FAM107A: variants seen among roughly 807,000 people sequenced by gnomAD.
The protein encoded by FAM107A is family with sequence similarity 107 member A.
In FAM107A, 19 loss-of-function variants were observed where a neutral mutation model predicts 13.7. That is an observed-to-expected ratio of 1.38 (90% CI 0.97 to 2.03). FAM107A has a LOEUF of 2.03. Ranked by LOEUF, FAM107A falls within the 30% of genes most tolerant of loss-of-function variation. The pLI is 0.00. For synonymous variants in FAM107A, 82 were observed against 74.5 expected (o/e 1.10, Z -0.52); for missense variants, 203 against 184.4 (o/e 1.10, Z -0.58).
intron 1 of FAM107A, among the ~76,000 whole-genome samples, chr3:58,623,170 T>C (rs2065974853): frequency 6.6e-6 from 1 of 152,188 alleles, no homozygotes; most frequent in South Asian, 2.1e-4. Flanking sequence ...TCTGATAGAA[T>C]GAACACACCC....
At position 58,566,646 on chromosome 3, in the gene FAM107A, T is replaced by C; in HGVS notation, c.377A>G (p.Lys126Arg). Residue 126 changes from lysine to arginine, a missense_variant, in exon 4 of 4, where the codon AAA becomes AGA. Coordinates refer to ENST00000360997, the MANE Select transcript of FAM107A (RefSeq NM_001076778.3). ...AATTCTCCGCAGGTTTTCCCTGACT[T>C]TAATAAACTCGGGGGCGTGATCCTC... ...KEEDHAPEFI[K>R]VRENLRRIAT... The C allele has an allele frequency of 6.2e-7, 1 of 1,614,034 alleles. No homozygotes were observed. Among genetic ancestry groups the C allele is most frequent in the Non-Finnish European group, 8.5e-7 (1 of 1,179,958 alleles).
chr3:58,591,959 G>A (rs1397419738), upstream of FAM107A, among the ~76,000 whole-genome samples: 4 of 152,190 alleles, frequency 2.6e-5, no homozygotes, highest in African/African-American at 9.6e-5. This position sits in a 1 kb window ranked among gnomAD's most constrained non-coding sequence, Gnocchi z 4.3. Flanking sequence ...TAATTCCCCA[G>A]AGAGTGAGTC....
At chr3:58,599,980 T>C (rs2120578) in intron 1 of FAM107A, among the ~76,000 whole-genome samples, 5 of 152,032 alleles carry the variant, frequency 3.3e-5, no homozygotes, top group Non-Finnish European at 5.9e-5. Flanking sequence ...CCAGCCCAGG[T>C]GCAGTATTAA....
chr3:58,567,028 T>C, intron 3 of FAM107A, 180 bp downstream of exon 3: 3 of 711,756 alleles, frequency 4.2e-6, no homozygotes, highest in Non-Finnish European at 7.1e-6. Flanking sequence ...GGGAAGCCAC[T>C]CGCCCTAAGG....
chr3:58,621,061 C>T (rs1010504491), intron 1 of FAM107A, among the ~76,000 whole-genome samples: 9 of 152,046 alleles, frequency 5.9e-5, no homozygotes, highest in Non-Finnish European at 1.3e-4. Context: ...AAGGAGGTGG[C>T]GGCATGGTTC....
intron 1 of FAM107A, among the ~76,000 whole-genome samples, chr3:58,576,321 C>T (rs987979993): frequency 1.3e-5 from 2 of 152,224 alleles, no homozygotes; most frequent in Admixed American, 6.5e-5. Flanking sequence ...GGATTTTGAA[C>T]CAATTAAATA....
In FAM107A at chr3:58,571,558, G is replaced by T. The variant is rs189963610; in HGVS notation, c.-5-1693C>A. Among the ~76,000 whole-genome samples the T allele has an allele frequency of 7.9e-5, 12 of 152,118 alleles. No individual in the cohort carries two copies. In the East Asian group the frequency reaches 1.9e-3, roughly 24 times the overall value. The stretch of plus-strand genomic sequence containing the variant: ...AGTACTTAGAGTTACTTTAAAATGG[G>T]CACTCGACAAAATACATAGTTGGCT... On this transcript the variant is annotated intron_variant, in intron 1 of 3. Coordinates refer to ENST00000360997, the MANE Select transcript of FAM107A (RefSeq NM_001076778.3).
intron 1 of FAM107A, among the ~76,000 whole-genome samples, chr3:58,575,412 T>G (rs1166244740): frequency 6.6e-6 from 1 of 152,170 alleles, no homozygotes; most frequent in East Asian, 1.9e-4. Flanking sequence ...GAAGAAACCC[T>G]GTGGTCACCA....
At chr3:58,618,940 G>C (rs2065928543) in intron 1 of FAM107A, among the ~76,000 whole-genome samples, 1 of 152,222 alleles carries the variant, frequency 6.6e-6, no homozygotes, top group Non-Finnish European at 1.5e-5. Context: ...GTGAGCAAAA[G>C]AAAGAAGAGA....
intron 1 of FAM107A, among the ~76,000 whole-genome samples, chr3:58,609,791 G>T (rs369749838): frequency 6.6e-6 from 1 of 152,206 alleles, no homozygotes; most frequent in African/African-American, 2.4e-5. Context: ...CCCCCATGAG[G>T]CCATCTGTGA....
chr3:58,577,250 C>T lies in FAM107A; in HGVS notation c.-6+59G>A. 2.2e-6 allele frequency: 2 copies of T among 899,804 alleles called. No homozygotes were observed. Among genetic ancestry groups the T allele is most frequent in the Non-Finnish European group, 2.7e-6 (2 of 751,808 alleles). The allele number at this position is 899,804 out of a possible 1,614,324, so 55.7% of individuals were successfully genotyped here. A position where few individuals can be genotyped will look rare whatever the true frequency, so the allele number is the denominator to read the frequency against. ...CCGGGTCTGCCCTCCTTCCCTTCCACCTCCTCCCGAACGGCACCGCTCTCA... is the reference window on the plus strand; with the variant it reads ...CCGGGTCTGCCCTCCTTCCCTTCCATCTCCTCCCGAACGGCACCGCTCTCA... On this transcript the variant is annotated intron_variant, in intron 1 of 3. Coordinates refer to ENST00000360997, the MANE Select transcript of FAM107A (RefSeq NM_001076778.3). This position sits in a 1 kb window ranked among gnomAD's most constrained non-coding sequence, Gnocchi z 4.9.
exon 1 of FAM107A, chr3:58,587,096 G>A: frequency 7.3e-7 from 1 of 1,370,798 alleles, no homozygotes; most frequent in Admixed American, 3.6e-5. Context: ...GGCGGGCGAG[G>A]AGACGCCGCC....
chr3:58,566,421 C>A lies in FAM107A; in HGVS notation c.*167G>T. ...GGAAAACCTAGGAGCTTAGGGGCCC[C>A]AGCCTCCCAGGGAGAGCCAGGCCCT... On this transcript the variant is annotated 3_prime_UTR_variant, in exon 4 of 4. Coordinates refer to ENST00000360997, the MANE Select transcript of FAM107A (RefSeq NM_001076778.3). The A allele has an allele frequency of 1.7e-6, 1 of 592,644 alleles. No homozygotes were observed. The highest frequency in any genetic ancestry group is 2.8e-5 in the East Asian group (1 of 35,460). 36.7% of individuals were successfully genotyped at this position (592,644 alleles called of 1,614,324 possible).
At chr3:58,609,818 G>T (rs759668820) in intron 1 of FAM107A, among the ~76,000 whole-genome samples, 25 of 152,180 alleles carry the variant, frequency 1.6e-4, no homozygotes, top group Non-Finnish European at 3.1e-4. Flanking sequence ...CCTACAGCAG[G>T]TCTTGTACAC....
chr3:58,577,347 T>C lies in FAM107A; in HGVS notation c.-44A>G. On this transcript the variant is annotated 5_prime_UTR_variant, in exon 1 of 4. Transcript: ENST00000360997. This position sits in a 1 kb window ranked among gnomAD's most constrained non-coding sequence, Gnocchi z 4.9. The stretch of plus-strand genomic sequence containing the variant: ...TCCTTGGGAAGGGAAGTCAGGAGCG[T>C]GTTGCTGGGTTCCTCACTCCACCGG... 1 of 985,390 alleles carries C rather than the reference T, an allele frequency of 1.0e-6. No individual in the cohort carries two copies. The highest frequency in any genetic ancestry group is 4.7e-5 in the South Asian group (1 of 21,284). 61.0% of individuals were successfully genotyped at this position (985,390 alleles called of 1,614,324 possible).
At position 58,566,578 on chromosome 3, in the gene FAM107A, G is replaced by GCAGCTGGCCCTA; in HGVS notation, c.433_*9dup. 1 of 1,604,850 alleles carries GCAGCTGGCCCTA rather than the reference G, an allele frequency of 6.2e-7. No individual in the cohort carries two copies. Among genetic ancestry groups the GCAGCTGGCCCTA allele is most frequent in the Non-Finnish European group, 8.5e-7 (1 of 1,172,374 alleles). ...CAGGGTGGGCAGTGGCCTGAGCCCGGCAGCTGGCCCTACAGCTCTCTCTCT... is the reference window on the plus strand; with the variant it reads ...CAGGGTGGGCAGTGGCCTGAGCCCGGCAGCTGGCCCTACAGCTGGCCCTACAGCTCTCTCTCT... On this transcript the variant is annotated 3_prime_UTR_variant, in exon 4 of 4. Coordinates refer to ENST00000360997, the MANE Select transcript of FAM107A (RefSeq NM_001076778.3).
At chr3:58,620,347 A>T (rs1322909483) in intron 1 of FAM107A, among the ~76,000 whole-genome samples, 7 of 152,078 alleles carry the variant, frequency 4.6e-5, no homozygotes. Flanking sequence ...TGGTAATCCT[A>T]CAGGCTTGGC....
chr3:58,603,555 C>A (rs1241847112), intron 1 of FAM107A, among the ~76,000 whole-genome samples: 1 of 152,070 alleles, frequency 6.6e-6, no homozygotes, highest in Non-Finnish European at 1.5e-5. Flanking sequence ...TGAAGTCTAG[C>A]CTCAGGGGGA....
intron 1 of FAM107A, among the ~76,000 whole-genome samples, chr3:58,606,065 C>G (rs1474827544): frequency 6.6e-6 from 1 of 152,126 alleles, no homozygotes; most frequent in Non-Finnish European, 1.5e-5. Context: ...GAGGTCATTG[C>G]TCTTTGCATG....
Sources: allele counts gnomAD v4.1 joint callset (sites outside exome capture counted in the v4.1 genomes callset), GRCh38; gene constraint gnomAD v4.1.1; non-coding constraint Gnocchi (gnomAD v3.1); transcripts MANE v1.5; gene names NCBI Gene and HGNC (gene_info 2026-07-23, HGNC 2026-07-21).